SLC66A1: variants seen among roughly 807,000 people sequenced by gnomAD.
The protein encoded by SLC66A1 is solute carrier family 66 member 1, also known as lysosomal amino acid transporter 1 homolog.
A neutral mutation model predicts 33.0 loss-of-function variants in SLC66A1; 23 were observed. The ratio of observed to expected loss-of-function variants is 0.70; its 90% CI spans 0.50 to 0.99. The LOEUF (loss-of-function observed/expected upper bound fraction) is 0.99. Ranked by LOEUF, SLC66A1 falls within the 50% of genes least tolerant of loss-of-function variation. The pLI is 0.00. For synonymous variants in SLC66A1, 164 were observed against 175.5 expected, an observed-to-expected ratio of 0.93 and a Z score of 0.52; for missense variants, 335 against 383.6, an observed-to-expected ratio of 0.87 and a Z score of 1.06.
At chr1:19,326,833 T>C (rs2093870345) in intron 6 of SLC66A1, among the ~76,000 whole-genome samples, 1 of 152,188 alleles carries the variant, frequency 6.6e-6, no homozygotes, top group Non-Finnish European at 1.5e-5. Context: ...CCAGCCAGGC[T>C]ACAAGAGGCC....
In SLC66A1 at chr1:19,327,987, C is replaced by G. The variant is rs2093878360; in HGVS notation, c.804+575C>G. The G allele has an allele frequency of 1.2e-5, 3 of 258,496 alleles. No homozygotes were observed. The South Asian group carries it at 1.3e-4, about 11-fold the overall frequency. 16.0% of individuals were successfully genotyped at this position (258,496 alleles called of 1,614,324 possible). On this transcript the variant is annotated intron_variant, in intron 7 of 7. Transcript: ENST00000375153. ...GTGACGCAGGGCACACAGTCAACCTCTCTGTGCTGCCGTGTCTTCACCTCA... is the reference window on the plus strand; with the variant it reads ...GTGACGCAGGGCACACAGTCAACCTGTCTGTGCTGCCGTGTCTTCACCTCA...
chr1:19,328,781 C>T lies in SLC66A1; in HGVS notation c.*138C>T. 4 of 918,670 alleles carry T rather than the reference C, an allele frequency of 4.4e-6. No individual in the cohort carries two copies. In the South Asian group the frequency reaches 6.4e-5, roughly 15 times the overall value. 56.9% of individuals were successfully genotyped at this position (918,670 alleles called of 1,614,324 possible). ...GGATCCTCCGTGGACCGAACCGTCC[C>T]CCCAGGAACACACCTTCAGGTAGAC... On this transcript the variant is annotated 3_prime_UTR_variant, in exon 8 of 8. Transcript: ENST00000375153. The surrounding 1 kb of genome is among the most constrained non-coding windows in gnomAD (Gnocchi z 4.7).
Position 19,329,118 on chromosome 1 carries a change from G to A in SLC66A1, c.*475G>A, listed in dbSNP as rs1142409. 0.057 allele frequency: 9,567 copies of A among 168,074 alleles called. 362 individuals carry two copies. The highest frequency in any genetic ancestry group is 0.11 in the South Asian group (744 of 7,018). The allele number at this position is 168,074 out of a possible 1,614,324, so 10.4% of individuals were successfully genotyped here. A position where few individuals can be genotyped will look rare whatever the true frequency, so the allele number is the denominator to read the frequency against. ...CTAAAAATACAAAAATTAGCCAGGT[G>A]TGGTGGCACACATCTGTAGTCCCAG... On this transcript the variant is annotated 3_prime_UTR_variant, in exon 8 of 8. Coordinates refer to ENST00000375153, the MANE Select transcript of SLC66A1 (RefSeq NM_001040125.2).
At chr1:19,332,507 C>T (rs189159053), downstream of SLC66A1, among the ~76,000 whole-genome samples, 60 of 152,276 alleles carry the variant, frequency 3.9e-4, 1 homozygote, top group African/African-American at 1.3e-3. Context: ...CAGTGGTTCA[C>T]GCCTGTATTC....
At chr1:19,319,334 GTC>G (rs1164785978) in intron 2 of SLC66A1, among the ~76,000 whole-genome samples, 1 of 152,154 alleles carries the variant, frequency 6.6e-6, no homozygotes, top group East Asian at 1.9e-4. Context: ...TCTACTTTCT[GTC>G]TCTGTTGATT....
chr1:19,319,424 A>AG (rs1457504200), intron 2 of SLC66A1, among the ~76,000 whole-genome samples: 1 of 152,198 alleles, frequency 6.6e-6, no homozygotes, highest in African/African-American at 2.4e-5. Flanking sequence ...TTCACTTAAC[A>AG]TAATGTCTTC....
chr1:19,324,578 G>T, intron 2 of SLC66A1, 55 bp from the exon 3 acceptor site: 1 of 1,606,058 alleles, frequency 6.2e-7, no homozygotes, highest in Non-Finnish European at 8.5e-7. Context: ...CCTATAAGGC[G>T]GCATCCCCTG....
downstream of SLC66A1, among the ~76,000 whole-genome samples, chr1:19,333,935 A>AACAC (rs2093898486): frequency 1.2e-4 from 13 of 111,228 alleles, no homozygotes; most frequent in African/African-American, 4.3e-4. This position sits in a 1 kb window ranked among gnomAD's most constrained non-coding sequence, Gnocchi z 4.2. Context: ...AAACAAAACA[A>AACAC]AACACAGGAA....
downstream of SLC66A1, among the ~76,000 whole-genome samples, chr1:19,332,040 C>T (rs1327446567): frequency 6.6e-6 from 1 of 152,200 alleles, no homozygotes; most frequent in Non-Finnish European, 1.5e-5. Context: ...CAGAGAGCAC[C>T]TGGCCTGCAG....
At position 19,327,328 on chromosome 1, in the gene SLC66A1, G is replaced by A. The variant is rs375385643; in HGVS notation, c.720G>A (p.Glu240=). Residue 240 remains glutamate, a synonymous_variant, in exon 7 of 8, where the codon GAG becomes GAA. Transcript: ENST00000375153. ...YGLSVLLKNP[E]EGQSEGSYLL... ...TGAGCGTGCTGCTCAAAAACCCCGA[G>A]GAGGGCCAGAGCGAGGGCAGCTACC... 1.5e-5 allele frequency: 24 copies of A among 1,613,204 alleles called. No homozygotes were observed. The highest frequency in any genetic ancestry group is 1.1e-4 in the African/African-American group (8 of 74,900).
chr1:19,327,881 G>A (rs1569807549), intron 7 of SLC66A1: 1 of 308,344 alleles, frequency 3.2e-6, no homozygotes, highest in East Asian at 8.3e-5. Flanking sequence ...GTGCAGACGA[G>A]AGCTGGAGTG....
intron 6 of SLC66A1, among the ~76,000 whole-genome samples, chr1:19,326,906 G>A (rs2093870793): frequency 6.6e-6 from 1 of 152,214 alleles, no homozygotes; most frequent in Non-Finnish European, 1.5e-5. Flanking sequence ...GGAGGCCTGA[G>A]GGGAGAGGAG....
intron 1 of SLC66A1, among the ~76,000 whole-genome samples, chr1:19,315,873 G>A (rs1053108305): frequency 6.6e-6 from 1 of 152,176 alleles, no homozygotes; most frequent in East Asian, 1.9e-4. Context: ...TTTCCTGGCT[G>A]GGTGGCGCTG....
chr1:19,321,565 T>C (rs2093837856), intron 2 of SLC66A1, among the ~76,000 whole-genome samples: 1 of 139,336 alleles, frequency 7.2e-6, no homozygotes, highest in Non-Finnish European at 1.6e-5. Flanking sequence ...GAGTCCAACC[T>C]CATTTTTTTT....
At position 19,326,243 on chromosome 1, in the gene SLC66A1, A is replaced by G. The variant is rs1368955193; in HGVS notation, c.383-2A>G. ...CTCAGCTTCCCCCTGCCTTGTGTGC[A>G]GTGTCTGCCCCCATCAACTCCGTGC... On this transcript the variant is annotated splice_acceptor_variant, in intron 4 of 7. Coordinates refer to ENST00000375153, the MANE Select transcript of SLC66A1 (RefSeq NM_001040125.2). LOFTEE classifies it high-confidence loss of function. 2 of 1,599,394 alleles carry G rather than the reference A, an allele frequency of 1.3e-6. No homozygotes were observed.
intron 2 of SLC66A1, among the ~76,000 whole-genome samples, chr1:19,323,806 G>A (rs1011058263): frequency 2.6e-5 from 4 of 152,218 alleles, no homozygotes; most frequent in African/African-American, 9.6e-5. Context: ...ATGGTTAAGA[G>A]CAAGACCGGA....
In SLC66A1 at chr1:19,326,275, T is replaced by C; in HGVS notation, c.413T>C (p.Phe138Ser). The C allele has an allele frequency of 6.2e-7, 1 of 1,606,604 alleles. No individual in the cohort carries two copies. The highest frequency in any genetic ancestry group is 8.5e-7 in the Non-Finnish European group (1 of 1,179,828). ...GCCCCCATCAACTCCGTGCTGTTGT[T>C]CCTCATGGGGATGGCGTGCGCCACA... The part of the protein sequence containing the change: ...LSAPINSVLL[F>S]LMGMACATPL... Residue 138 changes from phenylalanine (F) to serine (S), a missense_variant, in exon 5 of 8, where the codon TTC becomes TCC. Coordinates refer to ENST00000375153, the MANE Select transcript of SLC66A1 (RefSeq NM_001040125.2).
chr1:19,330,643 A>G (rs2093889861), downstream of SLC66A1, among the ~76,000 whole-genome samples: 1 of 152,182 alleles, frequency 6.6e-6, no homozygotes, highest in Admixed American at 6.5e-5. Flanking sequence ...AGGGAGGGGC[A>G]GGTACAGAGG....
At chr1:19,327,133 C>A in intron 6 of SLC66A1, 94 bp from the exon 7 acceptor site, 1 of 1,250,008 alleles carries the variant, frequency 8.0e-7, no homozygotes, top group Non-Finnish European at 1.1e-6. Context: ...AGAGCAGGTG[C>A]ACTGTGGTGG....
Sources: allele counts gnomAD v4.1 joint callset (sites outside exome capture counted in the v4.1 genomes callset), GRCh38; gene constraint gnomAD v4.1.1; non-coding constraint Gnocchi (gnomAD v3.1); transcripts MANE v1.5; gene names NCBI Gene and HGNC (gene_info 2026-07-23, HGNC 2026-07-21).